The following PIK3C2B variants were observed in gnomAD, a reference collection of about 807,000 sequenced individuals.
PIK3C2B encodes phosphatidylinositol-4-phosphate 3-kinase catalytic subunit type 2 beta.
In PIK3C2B, 83 loss-of-function variants were observed where a neutral mutation model predicts 184.3. The observed-to-expected ratio is 0.45, with a 90% confidence interval of 0.38 to 0.54. The LOEUF is 0.54. PIK3C2B is among the 20% of genes least tolerant of loss of function. The pLI, the probability that PIK3C2B is intolerant of heterozygous loss-of-function variation, is 0.00. For synonymous variants in PIK3C2B, 779 were observed against 837.6 expected, an observed-to-expected ratio of 0.93 and a Z score of 1.21; for missense variants, 1,736 against 2,113.5, an observed-to-expected ratio of 0.82 and a Z score of 3.50.
intron 5 of PIK3C2B, among the ~76,000 whole-genome samples, chr1:204,461,052 A>T (rs1655298987): frequency 6.6e-6 from 1 of 152,086 alleles, no homozygotes; most frequent in African/African-American, 2.4e-5. Flanking sequence ...CCAGGAAGAG[A>T]CATGTTGGAG....
At chr1:204,460,766 A>G (rs545555521) in intron 5 of PIK3C2B, 105 bp from the exon 6 acceptor site, 1 of 743,088 alleles carries the variant, frequency 1.3e-6, no homozygotes, top group Admixed American at 2.0e-5. Context: ...AGGTTTAGGT[A>G]AGGGGGTAGT....
rs574499080 is a variant in PIK3C2B at position 204,451,673 on chromosome 1, CAT to C, written c.2067-1658_2067-1657del. Among the ~76,000 whole-genome samples, 112 of 152,320 alleles carry C rather than the reference CAT, an allele frequency of 7.4e-4. 1 individual carries two copies. Among genetic ancestry groups the C allele is most frequent in the African/African-American group, 2.5e-3 (105 of 41,562 alleles). The stretch of plus-strand genomic sequence containing the variant: ...AGTTTCTCATCAGGGAAAAGGGGAA[CAT>C]AGCTTCACTTGCATGATGTGTGTGC... On this transcript the variant is annotated intron_variant, in intron 12 of 32. Transcript: ENST00000684373.
chr1:204,431,499 G>GGCCA (rs1675054176), intron 28 of PIK3C2B, 170 bp downstream of exon 28: 2 of 732,878 alleles, frequency 2.7e-6, no homozygotes, highest in South Asian at 3.5e-5. Context: ...AGGAGAGCTT[G>GGCCA]GCCAGCAGGG....
chr1:204,472,042 C>T (rs1242464133), intron 1 of PIK3C2B, among the ~76,000 whole-genome samples: 1 of 152,156 alleles, frequency 6.6e-6, no homozygotes, highest in Non-Finnish European at 1.5e-5. Flanking sequence ...GCGGTGGTAT[C>T]CTTTTCTCTA....
At chr1:204,466,279 C>T (rs1171816068) in intron 2 of PIK3C2B, among the ~76,000 whole-genome samples, 2 of 152,216 alleles carry the variant, frequency 1.3e-5, no homozygotes, top group Admixed American at 1.3e-4. Flanking sequence ...GTGGTTCCAA[C>T]AGCTGTTTCT....
Position 204,446,029 on chromosome 1 carries a change from G to A in PIK3C2B, c.2605C>T (p.Pro869Ser), listed in dbSNP as rs760093462. 6.2e-7 allele frequency: 1 copy of A among 1,604,026 alleles called. No individual in the cohort carries two copies. Among genetic ancestry groups the A allele is most frequent in the Non-Finnish European group, 8.5e-7 (1 of 1,173,182 alleles). ...TGCTTCAGGAGAACATAGATGTCAG[G>A]CAGGCAAGCCCACTCCCAGCTGGGG... is the stretch of plus-strand genomic sequence containing the variant. Reference protein sequence around the residue: ...SAPSWEWACLPDIYVLLKQWT... With the variant: ...SAPSWEWACLSDIYVLLKQWT... The change falls in exon 16 of 33, where the codon CCT becomes TCT. Residue 869 changes from proline (P) to serine (S), a missense_variant. This residue lies in a region of PIK3C2B where 609 missense variants were observed against 699.2 expected (regional missense o/e 0.87). Coordinates refer to ENST00000684373, the MANE Select transcript of PIK3C2B (RefSeq NM_001377334.1).
Position 204,454,698 on chromosome 1 carries a change from G to A in PIK3C2B, c.2037C>T (p.Tyr679=), listed in dbSNP as rs1351141167. Residue 679 remains tyrosine (Y), a synonymous_variant, in exon 12 of 33, where the codon TAC becomes TAT. Transcript: ENST00000684373. ...LQTRRAHFSK[Y]LFHLIVWDQQ... The stretch of plus-strand genomic sequence containing the variant: ...GGTCCCAGACGATGAGGTGGAAGAG[G>A]TACTTGGAGAAGTGAGCTCTTCGGG... 2 of 1,613,060 alleles carry A rather than the reference G, an allele frequency of 1.2e-6. No homozygotes were observed. Among genetic ancestry groups the A allele is most frequent in the African/African-American group, 1.3e-5 (1 of 74,890 alleles).
chr1:204,445,026 T>A (rs1572319036), intron 16 of PIK3C2B, among the ~76,000 whole-genome samples: 1 of 152,052 alleles, frequency 6.6e-6, no homozygotes, highest in Non-Finnish European at 1.5e-5. Context: ...CCCTAACAGA[T>A]CTAAGACTGG....
rs576467592 is a variant in PIK3C2B at position 204,494,065 on chromosome 1, T to C, written c.-85+291A>G. On this transcript the variant is annotated intron_variant, in intron 1 of 32. Coordinates refer to ENST00000684373, the MANE Select transcript of PIK3C2B (RefSeq NM_001377334.1). ...CCCTGCAGCTGGGAGCCAGGAAGTG[T>C]GTTTAGCGAGAAGGGGGTGGGGACG... Among the ~76,000 whole-genome samples, 3 of 152,230 alleles carry C rather than the reference T, an allele frequency of 2.0e-5. No homozygotes were observed. The East Asian group carries it at 5.8e-4, about 29-fold the overall frequency.
chr1:204,443,879 T>C (rs1653608942), intron 18 of PIK3C2B, among the ~76,000 whole-genome samples, 189 bp downstream of exon 18: 1 of 152,172 alleles, frequency 6.6e-6, no homozygotes, highest in African/African-American at 2.4e-5. Context: ...CAGGATAACA[T>C]AATCCTCACT....
intron 1 of PIK3C2B, among the ~76,000 whole-genome samples, chr1:204,475,145 T>C (rs997562184): frequency 4.6e-5 from 7 of 152,174 alleles, no homozygotes; most frequent in African/African-American, 1.7e-4. Flanking sequence ...CTGAGGGCTC[T>C]TCCTAAAATG....
At chr1:204,427,001 G>A (rs1234586410) in intron 31 of PIK3C2B, among the ~76,000 whole-genome samples, 3 of 152,168 alleles carry the variant, frequency 2.0e-5, no homozygotes, top group Non-Finnish European at 4.4e-5. Context: ...TTAGCCAGGT[G>A]TGGTGGCATG....
At chr1:204,446,819 C>A (rs1411663132) in intron 15 of PIK3C2B, among the ~76,000 whole-genome samples, 1 of 152,048 alleles carries the variant, frequency 6.6e-6, no homozygotes, top group East Asian at 1.9e-4. Context: ...CTCTCTCATG[C>A]CCCCACACAC....
At chr1:204,458,678 G>C (rs186238103) in intron 8 of PIK3C2B, among the ~76,000 whole-genome samples, 46 of 152,166 alleles carry the variant, frequency 3.0e-4, no homozygotes, top group Admixed American at 7.2e-4. Flanking sequence ...ATTTTTAGTA[G>C]AGATGGGGCT....
At position 204,434,615 on chromosome 1, in the gene PIK3C2B, G is replaced by T. The variant is rs1208035220; in HGVS notation, c.3517-7C>A. The T allele has an allele frequency of 3.1e-6, 5 of 1,610,080 alleles. No individual in the cohort carries two copies. Among genetic ancestry groups the T allele is most frequent in the Non-Finnish European group, 4.2e-6 (5 of 1,177,036 alleles). The stretch of plus-strand genomic sequence containing the variant: ...AGATAAAGTTCTCCACAGCCTGGGA[G>T]GGGTCAAGGCAGATGGGAGGAGAGG... On this transcript the variant is annotated splice_region_variant and splice_polypyrimidine_tract_variant and intron_variant, in intron 23 of 32. Coordinates refer to ENST00000684373, the MANE Select transcript of PIK3C2B (RefSeq NM_001377334.1).
chr1:204,466,974 G>T (rs748689854), intron 2 of PIK3C2B: 1 of 522,888 alleles, frequency 1.9e-6, no homozygotes, highest in Admixed American at 2.0e-5. Context: ...GGGCCCAAGG[G>T]GTCCCCCCTC....
Position 204,469,811 on chromosome 1 carries a change from T to C in PIK3C2B, c.-9A>G, listed in dbSNP as rs1553308712. 1.2e-6 allele frequency: 2 copies of C among 1,600,196 alleles called. No individual in the cohort carries two copies. The highest frequency in any genetic ancestry group is 1.7e-4 in the Middle Eastern group (1 of 5,982). On this transcript the variant is annotated 5_prime_UTR_variant, in exon 2 of 33. Transcript: ENST00000684373. ...CCCTGAGTCGAAGACATGGTGAGGA[T>C]GGGGGACACAGGCAACAAAGTCTCT...
chr1:204,434,257 T>C (rs1675224469), intron 24 of PIK3C2B, among the ~76,000 whole-genome samples, 182 bp downstream of exon 24: 1 of 152,274 alleles, frequency 6.6e-6, no homozygotes, highest in Non-Finnish European at 1.5e-5. Flanking sequence ...CCCCGCATTC[T>C]TCTGCAAGGC....
intron 1 of PIK3C2B, among the ~76,000 whole-genome samples, chr1:204,484,190 T>A (rs952036199): frequency 6.6e-6 from 1 of 152,128 alleles, no homozygotes; most frequent in African/African-American, 2.4e-5. Context: ...ATACCTTTTT[T>A]TCCCCCCTCT....
Sources: gnomAD v4.1 joint callset for allele counts (sites outside exome capture counted in the v4.1 genomes callset) on GRCh38, gnomAD v4.1.1 for gene constraint, gnomAD v4.1.1 regional missense constraint, MANE v1.5 for transcripts, NCBI Gene and HGNC (gene_info 2026-07-23, HGNC 2026-07-21) for gene names.